The following TTC28 variants were observed in gnomAD, a reference collection of about 807,000 sequenced individuals.
TTC28 encodes the protein tetratricopeptide repeat domain 28.
In TTC28, 61 loss-of-function variants were observed where a neutral mutation model predicts 198.0. The ratio of observed to expected loss-of-function variants is 0.31; its 90% confidence interval spans 0.25 to 0.38. TTC28 has a LOEUF of 0.38. TTC28 is among the 10% of genes least tolerant of loss of function. The pLI is 1.00. For synonymous variants in TTC28, 1,171 were observed against 1,297.8 expected (o/e 0.90, Z 2.10); for missense variants, 2,678 against 3,164.0 (o/e 0.85, Z 3.69).
At chr22:28,506,726 T>C (rs1293983134) in intron 2 of TTC28, among the ~76,000 whole-genome samples, 1 of 152,216 alleles carries the variant, frequency 6.6e-6, no homozygotes, top group Admixed American at 6.5e-5. Context: ...CCATCTTTGC[T>C]GTTTCACAGC....
At chr22:28,668,865 C>T (rs2051831784) in intron 1 of TTC28, among the ~76,000 whole-genome samples, 1 of 4,602 alleles carries the variant, frequency 2.2e-4, no homozygotes, top group Non-Finnish European at 4.2e-4. Flanking sequence ...ATGTTTATTG[C>T]GGCACTATTC....
At position 28,418,755 on chromosome 22, in the gene TTC28, A is replaced by G. The variant is rs2047203148; in HGVS notation, c.382-112112T>C. ...AATATTGAGCACCTATGTGCCTATT[A>G]TTAGCTAACAACAAACATCAATACC... On this transcript the variant is annotated intron_variant, in intron 2 of 22. Transcript: ENST00000397906. 1.3e-5 allele frequency among the ~76,000 whole-genome samples: 2 copies of G among 152,262 alleles called. 1 individual carries two copies. The highest frequency in any genetic ancestry group is 4.1e-4 in the South Asian group (2 of 4,836).
At chr22:28,341,739 G>A (rs13057692) in intron 2 of TTC28, among the ~76,000 whole-genome samples, 7,461 of 152,116 alleles carry the variant, frequency 0.049, 258 homozygotes, top group African/African-American at 0.091. Context: ...GCTATGAACC[G>A]AGATTGTGCC....
intron 6 of TTC28, among the ~76,000 whole-genome samples, chr22:28,108,935 A>C (rs1442571194): frequency 6.6e-6 from 1 of 152,208 alleles, no homozygotes; most frequent in Non-Finnish European, 1.5e-5. Context: ...TTAGCAAACA[A>C]AAAAATTAAC....
At chr22:28,387,552 G>A (rs892119952) in intron 2 of TTC28, among the ~76,000 whole-genome samples, 2 of 152,132 alleles carry the variant, frequency 1.3e-5, no homozygotes, top group African/African-American at 4.8e-5. Context: ...GGTGTGAGAT[G>A]GTATCTCATT....
chr22:28,303,653 A>G (rs1033083296), intron 3 of TTC28: 1 of 152,242 alleles, frequency 6.6e-6, no homozygotes, highest in African/African-American at 2.4e-5. Context: ...CACTTCCACA[A>G]AGACCAAACC....
intron 2 of TTC28, among the ~76,000 whole-genome samples, chr22:28,490,096 CA>C (rs2146341227): frequency 6.6e-6 from 1 of 152,282 alleles, no homozygotes; most frequent in East Asian, 1.9e-4. Context: ...GCTGTGCTGG[CA>C]TCTGATTAGA....
At chr22:28,044,357 C>T (rs1939778362) in intron 12 of TTC28, among the ~76,000 whole-genome samples, 1 of 152,208 alleles carries the variant, frequency 6.6e-6, no homozygotes, top group Non-Finnish European at 1.5e-5. Flanking sequence ...GAACACAAAA[C>T]ACACCTATGA....
chr22:28,548,526 A>C (rs1330337726), intron 2 of TTC28, among the ~76,000 whole-genome samples: 1 of 152,186 alleles, frequency 6.6e-6, no homozygotes, highest in Non-Finnish European at 1.5e-5. Flanking sequence ...GCTTTCACAA[A>C]GGGCAGCTTT....
intron 12 of TTC28, among the ~76,000 whole-genome samples, chr22:28,072,432 G>C (rs1941025832): frequency 6.6e-6 from 1 of 152,134 alleles, no homozygotes; most frequent in African/African-American, 2.4e-5. Context: ...ATTCATCAAT[G>C]GGACTAAGTT....
intron 12 of TTC28, among the ~76,000 whole-genome samples, chr22:28,051,058 A>G (rs562804089): frequency 3.3e-5 from 5 of 152,246 alleles, no homozygotes; most frequent in Non-Finnish European, 7.3e-5. Context: ...ACCACTTAAT[A>G]GAGAAAGTCA....
chr22:28,112,655 T>C (rs1942518405), intron 6 of TTC28, among the ~76,000 whole-genome samples: 1 of 152,166 alleles, frequency 6.6e-6, no homozygotes, highest in Non-Finnish European at 1.5e-5. Context: ...TTGAGGCAAC[T>C]TAAAAGCGGC....
chr22:28,421,403 T>C (rs543232584), intron 2 of TTC28, among the ~76,000 whole-genome samples: 1 of 152,350 alleles, frequency 6.6e-6, no homozygotes, highest in South Asian at 2.1e-4. Context: ...TGGTAATTAA[T>C]TGACTTTTTG....
chr22:28,105,645 C>G lies in TTC28; in HGVS notation c.2941G>C (p.Glu981Gln). The stretch of plus-strand genomic sequence containing the variant: ...TCTCTAGCAATGTTCAGCTGGCGTT[C>G]AAGGCAGGAAATGGCTTGTTCGTAA... ...GNYEQAISCL[E>Q]RQLNIARDMK... The change falls in exon 8 of 23, where the codon GAA becomes CAA. Residue 981 changes from glutamate (E) to glutamine (Q), a missense_variant. By Grantham distance (29) the Glu-to-Gln change is conservative. Around this residue, in one of 8 missense-constraint regions of TTC28, gnomAD observed 727 missense variants for 861.9 expected, o/e 0.84. Coordinates refer to ENST00000397906, the MANE Select transcript of TTC28 (RefSeq NM_001145418.2). The G allele has an allele frequency of 6.4e-7, 1 of 1,552,118 alleles. No individual in the cohort carries two copies. The highest frequency in any genetic ancestry group is 1.2e-5 in the South Asian group (1 of 84,060).
intron 12 of TTC28, among the ~76,000 whole-genome samples, chr22:28,055,761 C>T (rs1419398776): frequency 6.6e-6 from 1 of 152,138 alleles, no homozygotes; most frequent in Admixed American, 6.5e-5. Flanking sequence ...ACCTACCCCA[C>T]TCCCTTTCTC....
At chr22:28,267,753 C>T (rs1331191418) in intron 5 of TTC28, among the ~76,000 whole-genome samples, 1 of 151,988 alleles carries the variant, frequency 6.6e-6, no homozygotes, top group African/African-American at 2.4e-5. Context: ...GTAAGCACTC[C>T]CTAGATATAT....
chr22:28,679,534 C>G, intron 1 of TTC28, 88 bp downstream of exon 1: 1 of 854,422 alleles, frequency 1.2e-6, no homozygotes, highest in Non-Finnish European at 1.7e-6. Flanking sequence ...GCCTCGCAGG[C>G]GCTCCTCTGC....
intron 2 of TTC28, among the ~76,000 whole-genome samples, chr22:28,512,771 T>C (rs1456830152): frequency 2.6e-5 from 4 of 152,040 alleles, no homozygotes; most frequent in Non-Finnish European, 2.9e-5. Context: ...CTGGGGCCTG[T>C]CAAGGCTGGG....
At chr22:28,124,429 G>A (rs750012829) in intron 6 of TTC28, among the ~76,000 whole-genome samples, 2 of 152,128 alleles carry the variant, frequency 1.3e-5, no homozygotes, top group Non-Finnish European at 2.9e-5. Flanking sequence ...CATTCTAATA[G>A]CTAAAATTAT....
Sources: gnomAD v4.1 joint callset for allele counts (sites outside exome capture counted in the v4.1 genomes callset) on GRCh38, gnomAD v4.1.1 for gene constraint, gnomAD v4.1.1 regional missense constraint, MANE v1.5 for transcripts, NCBI Gene and HGNC (gene_info 2026-07-23, HGNC 2026-07-21) for gene names.